ABCG2: variants seen among roughly 807,000 people sequenced by gnomAD.
ABCG2 encodes ATP binding cassette subfamily G member 2 (JR blood group).
In ABCG2, 80 loss-of-function variants were observed where a neutral mutation model predicts 73.5. That is an observed-to-expected ratio of 1.09 (90% CI 0.91 to 1.31). The LOEUF is 1.31. Ranked by LOEUF, ABCG2 falls within the 50% of genes most tolerant of loss-of-function variation. The probability of loss-of-function intolerance (pLI) is 0.00; values close to 1 mark genes in which losing one functional copy is unlikely to be tolerated. For missense variants in ABCG2, 796 were observed against 786.2 expected, an observed-to-expected ratio of 1.01 and a Z score of -0.15; for synonymous variants, 269 against 282.4, an observed-to-expected ratio of 0.95 and a Z score of 0.48.
Position 88,123,706 on chromosome 4 carries a change from T to A in ABCG2, c.532-1914A>T, listed in dbSNP as rs180729252. Among the ~76,000 whole-genome samples, 7 of 152,118 alleles carry A rather than the reference T, an allele frequency of 4.6e-5. No homozygotes were observed. In the East Asian group the frequency reaches 1.4e-3, roughly 29 times the overall value. On this transcript the variant is annotated intron_variant, in intron 5 of 15. Transcript: ENST00000237612. Reference sequence around the variant, plus strand: ...TACGTTTTATTGGTGTACCTGAAAGTGACAGGGAGAATGGAACCAAGTTGG... The same window carrying A: ...TACGTTTTATTGGTGTACCTGAAAGAGACAGGGAGAATGGAACCAAGTTGG...
At chr4:88,196,877 A>T (rs1201927026) in intron 1 of ABCG2, among the ~76,000 whole-genome samples, 1 of 152,056 alleles carries the variant, frequency 6.6e-6, no homozygotes, top group Non-Finnish European at 1.5e-5. Flanking sequence ...TCTCCTTAAC[A>T]AGACCTGCCT....
At chr4:88,096,175 G>T (rs559729314) in intron 13 of ABCG2, among the ~76,000 whole-genome samples, 1 of 152,210 alleles carries the variant, frequency 6.6e-6, no homozygotes, top group African/African-American at 2.4e-5. Context: ...GTAGTGAGAG[G>T]TAGAGCATAA....
At chr4:88,099,478 CA>C (rs770449684) in intron 11 of ABCG2, 30 bp from the exon 12 acceptor site, 2 of 1,572,608 alleles carry the variant, frequency 1.3e-6, no homozygotes, top group South Asian at 2.4e-5. Flanking sequence ...ATCATACATC[CA>C]AGATTAGTTT....
chr4:88,214,816 G>T lies in ABCG2; in HGVS notation c.-20+16178C>A, dbSNP rs531837084. 3.9e-4 allele frequency among the ~76,000 whole-genome samples: 59 copies of T among 151,300 alleles called. 1 individual carries two copies. Among genetic ancestry groups the T allele is most frequent in the Non-Finnish European group, 5.5e-4 (37 of 67,860 alleles). ...GCTTGTTTGTTTTTGTAGAGATTAG[G>T]TCTTGCTATGTTGCCTAGACTGAAC... On this transcript the variant is annotated intron_variant, in intron 1 of 15. Coordinates refer to the ABCG2 transcript ENST00000515655.
At chr4:88,132,914 A>G (rs191153819) in intron 2 of ABCG2, among the ~76,000 whole-genome samples, 150 of 152,248 alleles carry the variant, frequency 9.9e-4, no homozygotes, top group African/African-American at 3.4e-3. Flanking sequence ...ACTTAAAGAA[A>G]AAAAAAAAAG....
intron 1 of ABCG2, among the ~76,000 whole-genome samples, chr4:88,165,873 CA>C (rs34377206): frequency 0.02 from 2,708 of 137,790 alleles, 68 homozygotes; most frequent in African/African-American, 0.062. Flanking sequence ...GACTCCATCT[CA>C]AAAAAAAAAA....
chr4:88,171,511 G>A lies in ABCG2; in HGVS notation c.-19-31497C>T. ...TAGAGATGACTTCAAGGTCTGATTC[G>A]TTCTTTTTCAAATTGGCTAATTATT... On this transcript the variant is annotated intron_variant, in intron 1 of 15. Coordinates refer to the ABCG2 transcript ENST00000515655. Among the ~76,000 whole-genome samples the A allele has an allele frequency of 6.9e-5, 2 of 29,156 alleles. 1 individual carries two copies. Among genetic ancestry groups the A allele is most frequent in the Non-Finnish European group, 1.4e-4 (2 of 14,298 alleles). 19.1% of individuals were successfully genotyped at this position (29,156 alleles called of 152,430 possible). A position where few individuals can be genotyped will look rare whatever the true frequency, so the allele number is the denominator to read the frequency against.
Position 88,091,984 on chromosome 4 carries a change from T to A in ABCG2, c.*250A>T. On this transcript the variant is annotated 3_prime_UTR_variant, in exon 16 of 16. Coordinates refer to ENST00000237612, the MANE Select transcript of ABCG2 (RefSeq NM_004827.3). ...ATTCTCCTTTTTTAGATTAATAAAT[T>A]AGACCAGATTTCTTCCCCATGGTTA... is the stretch of plus-strand genomic sequence containing the variant. 3.0e-6 allele frequency: 1 copy of A among 331,924 alleles called. No individual in the cohort carries two copies. The highest frequency in any genetic ancestry group is 5.4e-5 in the East Asian group (1 of 18,468). 20.6% of individuals were successfully genotyped at this position (331,924 alleles called of 1,614,324 possible).
chr4:88,093,348 C>G (rs1268671069), intron 15 of ABCG2, among the ~76,000 whole-genome samples: 1 of 151,732 alleles, frequency 6.6e-6, no homozygotes, highest in South Asian at 2.1e-4. Context: ...ACTAAAAATA[C>G]AAAAAATTAG....
chr4:88,175,467 AT>A (rs1319320799), intron 1 of ABCG2, among the ~76,000 whole-genome samples: 2 of 152,072 alleles, frequency 1.3e-5, no homozygotes, highest in Admixed American at 1.3e-4. Flanking sequence ...AGAACACTTC[AT>A]TAAGAATTTG....
chr4:88,108,938 T>C (rs1722940455), intron 9 of ABCG2, among the ~76,000 whole-genome samples: 1 of 152,126 alleles, frequency 6.6e-6, no homozygotes, highest in African/African-American at 2.4e-5. Flanking sequence ...CAGGCATGCA[T>C]GAATGTGCAT....
intron 2 of ABCG2, among the ~76,000 whole-genome samples, chr4:88,137,012 CAATAAAATAAAATAAAATAAAATAA>C (rs56033368): frequency 2.3e-4 from 28 of 123,486 alleles, no homozygotes; most frequent in Middle Eastern, 3.9e-3. Flanking sequence ...ACCTCCATCT[CAATAAAATAAAATAAAATAAAATAA>C]AATAAAATAA....
intron 1 of ABCG2, among the ~76,000 whole-genome samples, chr4:88,151,375 T>C (rs1232397054): frequency 1.3e-5 from 2 of 152,218 alleles, no homozygotes; most frequent in Non-Finnish European, 2.9e-5. Flanking sequence ...CTAGTACATG[T>C]CAACTACATG....
intron 1 of ABCG2, among the ~76,000 whole-genome samples, chr4:88,193,322 T>C (rs1314271640): frequency 6.6e-6 from 1 of 152,012 alleles, no homozygotes; most frequent in African/African-American, 2.4e-5. Flanking sequence ...ATGAGTGAGA[T>C]TTTTTCTCAA....
chr4:88,158,620 C>T lies in ABCG2; in HGVS notation c.-254G>A, dbSNP rs1353104864. On this transcript the variant is annotated 5_prime_UTR_variant, in exon 1 of 16. Transcript: ENST00000237612. ...GCCTCCTTGCCGCGTCTCTCAATCTCAGTGGGAGTGGCGGGCACTGCCTCT... is the reference window on the plus strand; with the variant it reads ...GCCTCCTTGCCGCGTCTCTCAATCTTAGTGGGAGTGGCGGGCACTGCCTCT... The T allele has an allele frequency of 2.2e-6, 1 of 456,408 alleles. No individual in the cohort carries two copies. The highest frequency in any genetic ancestry group is 4.4e-6 in the Non-Finnish European group (1 of 226,966). 28.3% of individuals were successfully genotyped at this position (456,408 alleles called of 1,614,324 possible). A position where few individuals can be genotyped will look rare whatever the true frequency, so the allele number is the denominator to read the frequency against.
chr4:88,187,981 G>A (rs1325384404), intron 1 of ABCG2, among the ~76,000 whole-genome samples: 4 of 152,210 alleles, frequency 2.6e-5, no homozygotes, highest in Non-Finnish European at 5.9e-5. Context: ...ATTGCTATTG[G>A]CATGTGTGGT....
intron 1 of ABCG2, among the ~76,000 whole-genome samples, chr4:88,143,354 AT>A (rs1203312054): frequency 6.6e-6 from 1 of 152,212 alleles, no homozygotes; most frequent in Non-Finnish European, 1.5e-5. Flanking sequence ...TTCTACTGCC[AT>A]CCCCATTTGA....
chr4:88,165,618 G>A (rs2725213), intron 1 of ABCG2, among the ~76,000 whole-genome samples: 152,368 of 152,380 alleles, frequency 1, 76,178 homozygotes, highest in Middle Eastern at 1. Context: ...GCTCACGCCT[G>A]TAATCTCAGC....
intron 11 of ABCG2, among the ~76,000 whole-genome samples, chr4:88,099,703 C>T (rs979544809): frequency 6.6e-6 from 1 of 152,238 alleles, no homozygotes; most frequent in African/African-American, 2.4e-5. Flanking sequence ...CTCTTTCTAG[C>T]TCCTGAACAC....
Sources: allele counts gnomAD v4.1 joint callset (sites outside exome capture counted in the v4.1 genomes callset), GRCh38; gene constraint gnomAD v4.1.1; transcripts MANE v1.5; gene names NCBI Gene and HGNC (gene_info 2026-07-23, HGNC 2026-07-21).